The following PLPPR1 variants were observed in gnomAD, a reference collection of about 807,000 sequenced individuals.
The protein encoded by PLPPR1 is phospholipid phosphatase related 1.
A neutral mutation model predicts 33.1 loss-of-function variants in PLPPR1; 10 were observed. The ratio of observed to expected loss-of-function variants is 0.30; its 90% CI spans 0.19 to 0.51. The LOEUF (loss-of-function observed/expected upper bound fraction) is 0.51, where lower values mean the gene tolerates loss of function less well. PLPPR1 is among the 20% of genes least tolerant of loss of function. The pLI is 0.97. For synonymous variants in PLPPR1, 151 were observed against 151.0 expected, an observed-to-expected ratio of 1.00 and a Z score of 0.00; for missense variants, 304 against 408.1, an observed-to-expected ratio of 0.74 and a Z score of 2.20.
At chr9:101,084,141 G>T (rs1369219606) in intron 1 of PLPPR1, among the ~76,000 whole-genome samples, 1 of 152,196 alleles carries the variant, frequency 6.6e-6, no homozygotes, top group African/African-American at 2.4e-5. Flanking sequence ...GGGAAAATTT[G>T]TTGGAAATGA....
chr9:101,254,154 A>G (rs1459241289), intron 2 of PLPPR1, among the ~76,000 whole-genome samples: 1 of 151,866 alleles, frequency 6.6e-6, no homozygotes, highest in African/African-American at 2.4e-5. Flanking sequence ...CATTTATTGT[A>G]TATTTTATTT....
At chr9:101,055,200 C>G (rs73491921) in intron 1 of PLPPR1, among the ~76,000 whole-genome samples, 3,162 of 152,282 alleles carry the variant, frequency 0.021, 113 homozygotes, top group African/African-American at 0.072. Flanking sequence ...GGAGGATCAT[C>G]TGTAACATTA....
At chr9:101,255,755 T>G (rs774111573) in intron 2 of PLPPR1, among the ~76,000 whole-genome samples, 6 of 152,154 alleles carry the variant, frequency 3.9e-5, no homozygotes, top group Non-Finnish European at 8.8e-5. Flanking sequence ...AACATGCAAC[T>G]GAGTAGTGGC....
At chr9:101,244,413 ATTAG>A (rs1474056548) in intron 2 of PLPPR1, among the ~76,000 whole-genome samples, 2 of 152,000 alleles carry the variant, frequency 1.3e-5, no homozygotes, top group African/African-American at 4.8e-5. Context: ...AGAAAGCTAA[ATTAG>A]TTGACAGCTG....
intron 2 of PLPPR1, among the ~76,000 whole-genome samples, chr9:101,238,467 A>T (rs1406608783): frequency 1.3e-5 from 2 of 150,726 alleles, no homozygotes; most frequent in Admixed American, 6.6e-5. Flanking sequence ...AGAATGAAAG[A>T]AAGTCTTTTA....
At chr9:101,239,181 C>T (rs1305242152) in intron 2 of PLPPR1, among the ~76,000 whole-genome samples, 2 of 151,522 alleles carry the variant, frequency 1.3e-5, no homozygotes, top group African/African-American at 2.4e-5. Flanking sequence ...TGGCAATAAA[C>T]GTGGGGGTGC....
At chr9:101,074,071 A>G (rs973296986) in intron 1 of PLPPR1, among the ~76,000 whole-genome samples, 5 of 152,176 alleles carry the variant, frequency 3.3e-5, no homozygotes, top group African/African-American at 1.2e-4. Flanking sequence ...TTGCCATAGT[A>G]AAAAACTATG....
intron 4 of PLPPR1, among the ~76,000 whole-genome samples, chr9:101,304,076 T>G (rs575494086): frequency 4.0e-5 from 6 of 150,034 alleles, no homozygotes; most frequent in African/African-American, 9.9e-5. Context: ...TGCTTTGATT[T>G]GTGAATTATG....
intron 1 of PLPPR1, among the ~76,000 whole-genome samples, chr9:101,139,860 G>A (rs899971652): frequency 2.0e-5 from 3 of 152,142 alleles, no homozygotes; most frequent in African/African-American, 7.2e-5. Flanking sequence ...TGAACTAAAA[G>A]ATGAAAGTAG....
chr9:101,154,159 G>C (rs1402321751), intron 1 of PLPPR1, among the ~76,000 whole-genome samples: 2 of 152,116 alleles, frequency 1.3e-5, no homozygotes, highest in Non-Finnish European at 2.9e-5. Context: ...AGGGATATTG[G>C]TCTAAAATTC....
chr9:101,111,194 C>T (rs1345437234), intron 1 of PLPPR1, among the ~76,000 whole-genome samples: 1 of 151,834 alleles, frequency 6.6e-6, no homozygotes, highest in Non-Finnish European at 1.5e-5. Context: ...ATCTATGTTT[C>T]CTAAGTACTC....
At chr9:101,252,270 T>A (rs1564017050) in intron 2 of PLPPR1, among the ~76,000 whole-genome samples, 1 of 152,156 alleles carries the variant, frequency 6.6e-6, no homozygotes, top group Non-Finnish European at 1.5e-5. Flanking sequence ...AACATTTCCA[T>A]AAATGCACAG....
intron 1 of PLPPR1, among the ~76,000 whole-genome samples, chr9:101,131,261 C>T (rs892964204): frequency 6.6e-6 from 1 of 152,110 alleles, no homozygotes; most frequent in African/African-American, 2.4e-5. Flanking sequence ...ATGAGATTAC[C>T]TGAACTCCTG....
intron 2 of PLPPR1, among the ~76,000 whole-genome samples, chr9:101,235,813 A>T (rs1403483862): frequency 2.0e-5 from 3 of 151,808 alleles, no homozygotes; most frequent in Non-Finnish European, 2.9e-5. Context: ...GGCTCATCTT[A>T]GTGTGACTTA....
chr9:101,306,773 T>TA (rs1331768294), intron 4 of PLPPR1, among the ~76,000 whole-genome samples: 2 of 152,202 alleles, frequency 1.3e-5, no homozygotes, highest in Non-Finnish European at 2.9e-5. Context: ...CAAGCCAAGA[T>TA]ACAGAGACAT....
At chr9:101,186,074 T>G (rs546254950) in intron 2 of PLPPR1, among the ~76,000 whole-genome samples, 1 of 151,870 alleles carries the variant, frequency 6.6e-6, no homozygotes, top group African/African-American at 2.4e-5. Flanking sequence ...ATGATTTCTT[T>G]TGTCCTGAAT....
intron 2 of PLPPR1, among the ~76,000 whole-genome samples, chr9:101,204,178 T>C (rs537295375): frequency 2.2e-4 from 34 of 152,300 alleles, no homozygotes; most frequent in African/African-American, 7.7e-4. Context: ...TTTTTTGTTA[T>C]TTGTTTTCAA....
intron 5 of PLPPR1, among the ~76,000 whole-genome samples, chr9:101,310,635 C>T (rs938189016): frequency 1.3e-5 from 2 of 152,296 alleles, no homozygotes; most frequent in South Asian, 4.1e-4. Flanking sequence ...TTCTTATACC[C>T]CAAATGATTC....
At chr9:101,118,884 C>T (rs371753711) in intron 1 of PLPPR1, among the ~76,000 whole-genome samples, 89 of 118,560 alleles carry the variant, frequency 7.5e-4, no homozygotes, top group African/African-American at 2.4e-3. Context: ...GACTTTGATG[C>T]CATGTTTTTT....
Sources: gnomAD v4.1 joint callset for allele counts (sites outside exome capture counted in the v4.1 genomes callset) on GRCh38, gnomAD v4.1.1 for gene constraint, MANE v1.5 for transcripts, NCBI Gene and HGNC (gene_info 2026-07-23, HGNC 2026-07-21) for gene names.